The following MRRF variants were observed in gnomAD, a reference collection of about 807,000 sequenced individuals.
The protein encoded by MRRF is ribosome-recycling factor, mitochondrial.
MRRF carries 18 observed loss-of-function variants against 25.1 expected under a neutral mutation model. The ratio of observed to expected loss-of-function variants is 0.72; its 90% confidence interval spans 0.50 to 1.06. The LOEUF (loss-of-function observed/expected upper bound fraction) is 1.06. Ranked by LOEUF, MRRF falls within the 50% of genes least tolerant of loss-of-function variation. The probability of loss-of-function intolerance (pLI) is 0.00; values close to 1 mark genes in which losing one functional copy is unlikely to be tolerated. For synonymous variants in MRRF, 113 were observed against 112.1 expected (o/e 1.01, Z -0.05); for missense variants, 323 against 319.3 (o/e 1.01, Z -0.09).
At chr9:122,311,838 G>A (rs1435706020) in intron 5 of MRRF, among the ~76,000 whole-genome samples, 1 of 152,154 alleles carries the variant, frequency 6.6e-6, no homozygotes, top group Non-Finnish European at 1.5e-5. Context: ...GCCCCTCTTA[G>A]TATTTCAGCA....
intron 1 of MRRF, chr9:122,265,858 C>T: frequency 6.0e-6 from 5 of 827,746 alleles, no homozygotes; most frequent in South Asian, 1.4e-5. Context: ...CTCATTCCTT[C>T]TTTGGCCGTG....
chr9:122,304,956 T>C (rs2118905795), intron 5 of MRRF, among the ~76,000 whole-genome samples: 1 of 152,206 alleles, frequency 6.6e-6, no homozygotes, highest in East Asian at 1.9e-4. Flanking sequence ...ACTTTTTTTT[T>C]TTTCCAGACA....
intron 6 of MRRF, among the ~76,000 whole-genome samples, chr9:122,322,273 G>C (rs1450331326): frequency 1.3e-5 from 2 of 151,976 alleles, no homozygotes; most frequent in Admixed American, 1.3e-4. Context: ...TGAGGCAGGA[G>C]AATGGCGTGA....
At chr9:122,278,463 C>A (rs922342608) in intron 2 of MRRF, among the ~76,000 whole-genome samples, 1 of 152,120 alleles carries the variant, frequency 6.6e-6, no homozygotes, top group African/African-American at 2.4e-5. Context: ...TTTATATTCT[C>A]ATATCTGGCC....
At chr9:122,314,704 A>G (rs572846820) in intron 6 of MRRF, among the ~76,000 whole-genome samples, 12 of 152,288 alleles carry the variant, frequency 7.9e-5, no homozygotes, top group South Asian at 6.2e-4. Flanking sequence ...AAAGATGACT[A>G]TGGTGGCCAG....
At chr9:122,299,117 G>A (rs1834276114) in intron 5 of MRRF, among the ~76,000 whole-genome samples, 2 of 151,890 alleles carry the variant, frequency 1.3e-5, no homozygotes, top group African/African-American at 4.8e-5. Flanking sequence ...AGGGCCAGGT[G>A]CAGTGGCTCA....
intron 1 of MRRF, among the ~76,000 whole-genome samples, chr9:122,265,945 A>G (rs1435855208): frequency 6.6e-6 from 1 of 152,266 alleles, no homozygotes; most frequent in East Asian, 1.9e-4. Context: ...TTAGAGAAGA[A>G]CATCATCTAC....
At chr9:122,271,109 CCTTT>C in intron 2 of MRRF, 34 bp downstream of exon 2, 1 of 1,574,434 alleles carries the variant, frequency 6.4e-7, no homozygotes, top group Non-Finnish European at 8.7e-7. Flanking sequence ...CTACTTCACC[CCTTT>C]CTTATAGTTG....
intron 2 of MRRF, among the ~76,000 whole-genome samples, chr9:122,277,673 C>G (rs1179391392): frequency 6.6e-6 from 1 of 152,160 alleles, no homozygotes; most frequent in Non-Finnish European, 1.5e-5. Flanking sequence ...GCCTCAGCCT[C>G]CCGAGTAGCT....
chr9:122,310,936 C>A (rs913231580), intron 5 of MRRF, among the ~76,000 whole-genome samples: 51 of 152,162 alleles, frequency 3.4e-4, no homozygotes, highest in African/African-American at 1.2e-3. Context: ...CAGATATGCC[C>A]TCATTGTTTC....
At chr9:122,292,997 AAAAC>A (rs1465326809) in intron 5 of MRRF, among the ~76,000 whole-genome samples, 1 of 152,332 alleles carries the variant, frequency 6.6e-6, no homozygotes, top group East Asian at 1.9e-4. Context: ...AGCAGTAAAC[AAAAC>A]AAACAACAAA....
chr9:122,296,024 T>G (rs1214604903), intron 5 of MRRF, among the ~76,000 whole-genome samples: 2 of 152,190 alleles, frequency 1.3e-5, no homozygotes, highest in African/African-American at 2.4e-5. Context: ...TTTGGGGAAG[T>G]AGGTAAAAGA....
chr9:122,316,342 ATTT>A (rs1224890899), intron 6 of MRRF, among the ~76,000 whole-genome samples: 1 of 151,852 alleles, frequency 6.6e-6, no homozygotes, highest in South Asian at 2.1e-4. Flanking sequence ...TGCCCTGCTA[ATTT>A]TTTTATTTTT....
chr9:122,323,330 T>C lies in MRRF; in HGVS notation c.*713T>C, dbSNP rs1359540742. 1 of 153,708 alleles carries C rather than the reference T, an allele frequency of 6.5e-6. No individual in the cohort carries two copies. The highest frequency in any genetic ancestry group is 6.4e-5 in the Admixed American group (1 of 15,618). The allele number at this position is 153,708 out of a possible 1,614,324, so 9.5% of individuals were successfully genotyped here. On this transcript the variant is annotated 3_prime_UTR_variant, in exon 7 of 7. Coordinates refer to ENST00000344641, the MANE Select transcript of MRRF (RefSeq NM_138777.5). ...CGGCTCTCATAGCACAGTCTACTGC[T>C]TTGTACGAATTCTAAGTATTCTTGT... is the stretch of plus-strand genomic sequence containing the variant.
At chr9:122,279,594 A>G (rs556938246) in intron 2 of MRRF, among the ~76,000 whole-genome samples, 4 of 152,234 alleles carry the variant, frequency 2.6e-5, no homozygotes, top group Admixed American at 2.6e-4. Context: ...AAAGAAATGC[A>G]AGAATATTTG....
Position 122,326,700 on chromosome 9 carries a change from G to T in MRRF, c.*4083G>T, listed in dbSNP as rs1386975793. ...ATTCTAAGATTATCTGATAAGGTCT[G>T]CTCTTTCTCCTTCAACCTCAGGCTA... is the stretch of plus-strand genomic sequence containing the variant. On this transcript the variant is annotated 3_prime_UTR_variant, in exon 7 of 7. Transcript: ENST00000344641. The T allele has an allele frequency of 1.3e-5, 2 of 152,030 alleles. No homozygotes were observed. The highest frequency in any genetic ancestry group is 2.9e-5 in the Non-Finnish European group (2 of 68,010). The allele number at this position is 152,030 out of a possible 1,614,324, so 9.4% of individuals were successfully genotyped here. A position where few individuals can be genotyped will look rare whatever the true frequency, so the allele number is the denominator to read the frequency against.
chr9:122,305,231 C>A (rs536245504), intron 5 of MRRF, among the ~76,000 whole-genome samples: 7 of 151,788 alleles, frequency 4.6e-5, no homozygotes, highest in African/African-American at 1.7e-4. Flanking sequence ...GCCAACATAG[C>A]GAAACCCCAT....
rs914884888 is a variant in MRRF, at chr9:122,278,347, C to T, written c.185-2096C>T. 2.6e-5 allele frequency among the ~76,000 whole-genome samples: 4 copies of T among 152,130 alleles called. No homozygotes were observed. In the South Asian group the frequency reaches 8.3e-4, roughly 31 times the overall value. On this transcript the variant is annotated intron_variant, in intron 2 of 6. Transcript: ENST00000344641. ...AACATTCTTAGCATGTCAAAAGTCC[C>T]CTTTGTGCTTCTTTCTAGTAAGTAC...
At chr9:122,283,558 G>T (rs1158669088) in intron 3 of MRRF, among the ~76,000 whole-genome samples, 1 of 152,192 alleles carries the variant, frequency 6.6e-6, no homozygotes, top group Non-Finnish European at 1.5e-5. Flanking sequence ...ATACCTCCCG[G>T]ACTTTTCCAG....
Sources: allele counts gnomAD v4.1 joint callset (sites outside exome capture counted in the v4.1 genomes callset), GRCh38; gene constraint gnomAD v4.1.1; transcripts MANE v1.5; gene names NCBI Gene and HGNC (gene_info 2026-07-23, HGNC 2026-07-21).